GARRE1: variants seen among roughly 807,000 people sequenced by gnomAD.
The protein encoded by GARRE1 is granule associated Rac and RHOG effector 1.
A neutral mutation model predicts 103.2 loss-of-function variants in GARRE1; 49 were observed. That is an observed-to-expected ratio of 0.47 (90% CI 0.38 to 0.60). The LOEUF is 0.60. GARRE1 is among the 20% of genes least tolerant of loss of function. The pLI, the probability that GARRE1 is intolerant of heterozygous loss-of-function variation, is 0.00. For missense variants in GARRE1, 1,199 were observed against 1,370.5 expected (o/e 0.87, Z 1.98); for synonymous variants, 505 against 532.8 (o/e 0.95, Z 0.72).
At chr19:34,350,611 T>G (rs1459480264) in intron 12 of GARRE1, among the ~76,000 whole-genome samples, 1 of 152,192 alleles carries the variant, frequency 6.6e-6, no homozygotes, top group Non-Finnish European at 1.5e-5. Flanking sequence ...AGACGGAGTC[T>G]CGCTCTGTTG....
At position 34,306,146 on chromosome 19, in the gene GARRE1, C is replaced by T. The variant is rs571094807; in HGVS notation, c.495+5178C>T. On this transcript the variant is annotated intron_variant, in intron 2 of 13. Coordinates refer to ENST00000299505, the MANE Select transcript of GARRE1 (RefSeq NM_014686.5). The stretch of plus-strand genomic sequence containing the variant: ...AATGGCTAGGCATTTGGATTTTTTC[C>T]TTTTGGTTTTTTAAGGATTTTTATA... 9.9e-5 allele frequency among the ~76,000 whole-genome samples: 15 copies of T among 152,154 alleles called. 1 individual carries two copies. The highest frequency in any genetic ancestry group is 7.2e-4 in the Admixed American group (11 of 15,276).
chr19:34,283,811 C>T (rs1450430509), intron 1 of GARRE1, among the ~76,000 whole-genome samples: 1 of 150,352 alleles, frequency 6.7e-6, no homozygotes, highest in Non-Finnish European at 1.5e-5. Context: ...GAGTCTTCAT[C>T]TAGTTTCTTT....
intron 1 of GARRE1, among the ~76,000 whole-genome samples, chr19:34,284,134 T>C (rs868310401): frequency 0.027 from 3,826 of 139,714 alleles, 160 homozygotes; most frequent in African/African-American, 0.097. Flanking sequence ...TTTCTTTTTT[T>C]TTTTTTTTTT....
At chr19:34,284,031 C>G (rs568588162) in intron 1 of GARRE1, among the ~76,000 whole-genome samples, 5 of 150,600 alleles carry the variant, frequency 3.3e-5, no homozygotes, top group African/African-American at 1.2e-4. Flanking sequence ...GGGGTTTCAC[C>G]GTGTTAGCCA....
intron 1 of GARRE1, among the ~76,000 whole-genome samples, chr19:34,289,023 A>G (rs760579049): frequency 7.2e-5 from 11 of 151,918 alleles, no homozygotes; most frequent in Non-Finnish European, 1.3e-4. Flanking sequence ...TCTCCCAGCT[A>G]CTCAGGAGGC....
intron 1 of GARRE1, among the ~76,000 whole-genome samples, chr19:34,284,187 G>T (rs2073873028): frequency 6.8e-6 from 1 of 146,718 alleles, no homozygotes; most frequent in African/African-American, 2.5e-5. Context: ...CTAGAGTGCG[G>T]TGGTGCAATC....
At chr19:34,309,220 A>G (rs1291775519) in intron 2 of GARRE1, among the ~76,000 whole-genome samples, 1 of 152,198 alleles carries the variant, frequency 6.6e-6, no homozygotes, top group Admixed American at 6.5e-5. Context: ...ATATCCTGTA[A>G]TAAGTTGACC....
At chr19:34,304,779 TTTTA>T (rs1392107598) in intron 2 of GARRE1, among the ~76,000 whole-genome samples, 1 of 151,380 alleles carries the variant, frequency 6.6e-6, no homozygotes, top group Non-Finnish European at 1.5e-5. Flanking sequence ...TTATTTTTAT[TTTTA>T]TTTTTTATTT....
chr19:34,323,233 G>C (rs2074097928), intron 3 of GARRE1, among the ~76,000 whole-genome samples: 1 of 151,586 alleles, frequency 6.6e-6, no homozygotes, highest in African/African-American at 2.4e-5. Flanking sequence ...GGGTTTCACT[G>C]TGTTAGCCAG....
At chr19:34,262,134 GC>G (rs1389567611) in intron 1 of GARRE1, among the ~76,000 whole-genome samples, 1 of 151,846 alleles carries the variant, frequency 6.6e-6, no homozygotes, top group Admixed American at 6.6e-5. Flanking sequence ...ACAGGTGAGT[GC>G]CACCATGCCT....
chr19:34,325,896 G>A (rs932013327), intron 3 of GARRE1, among the ~76,000 whole-genome samples: 2 of 152,036 alleles, frequency 1.3e-5, no homozygotes, highest in Non-Finnish European at 1.5e-5. Context: ...CCACACACAT[G>A]CAATTCCATT....
intron 8 of GARRE1, among the ~76,000 whole-genome samples, chr19:34,334,264 T>C (rs1259158752): frequency 6.6e-6 from 1 of 152,192 alleles, no homozygotes; most frequent in African/African-American, 2.4e-5. Flanking sequence ...TTAGATATTA[T>C]ATTTGTAACA....
Position 34,262,394 on chromosome 19 carries a change from G to A in GARRE1, c.-796+7780G>A, listed in dbSNP as rs141750158. 2.3e-3 allele frequency among the ~76,000 whole-genome samples: 334 copies of A among 146,064 alleles called. 4 individuals carry two copies. The highest frequency in any genetic ancestry group is 7.6e-3 in the African/African-American group (300 of 39,726). On this transcript the variant is annotated intron_variant, in intron 1 of 13. Transcript: ENST00000299505. ...CATTGCAACCTCCACCTCCTGGGTC[G>A]AAGCAATTCTCCTGCCTTGGCCTCC...
chr19:34,272,360 G>A (rs1442890468), intron 1 of GARRE1, among the ~76,000 whole-genome samples: 1 of 152,056 alleles, frequency 6.6e-6, no homozygotes, highest in East Asian at 1.9e-4. Flanking sequence ...CACCATGCCC[G>A]GCTAATTTTT....
At chr19:34,287,655 G>C (rs1297795253) in intron 1 of GARRE1, among the ~76,000 whole-genome samples, 6 of 152,190 alleles carry the variant, frequency 3.9e-5, no homozygotes, top group African/African-American at 1.2e-4. Context: ...ATAAACAACA[G>C]AAGCTTATTT....
intron 1 of GARRE1, among the ~76,000 whole-genome samples, chr19:34,297,958 C>A (rs2073955941): frequency 6.6e-6 from 1 of 152,008 alleles, no homozygotes; most frequent in African/African-American, 2.4e-5. Flanking sequence ...TGTAACCTAC[C>A]TAATTCCTGT....
chr19:34,353,150 T>G lies in GARRE1; in HGVS notation c.*195T>G. The stretch of plus-strand genomic sequence containing the variant: ...AAACCTGGCTTCTGAAACGATGGCA[T>G]CAGAGCCCTGGAGAGCCAGCTGGAG... On this transcript the variant is annotated 3_prime_UTR_variant, in exon 14 of 14. Coordinates refer to ENST00000299505, the MANE Select transcript of GARRE1 (RefSeq NM_014686.5). The G allele has an allele frequency of 1.8e-6, 1 of 570,548 alleles. No individual in the cohort carries two copies. The highest frequency in any genetic ancestry group is 3.0e-6 in the Non-Finnish European group (1 of 328,566). The allele number at this position is 570,548 out of a possible 1,614,324, so 35.3% of individuals were successfully genotyped here. A position where few individuals can be genotyped will look rare whatever the true frequency, so the allele number is the denominator to read the frequency against.
chr19:34,279,934 G>A (rs1296390136), intron 1 of GARRE1, among the ~76,000 whole-genome samples: 2 of 144,402 alleles, frequency 1.4e-5, no homozygotes, highest in East Asian at 2.0e-4. Flanking sequence ...GCAGTGAGCC[G>A]AGATCCCGCC....
intron 7 of GARRE1, 120 bp downstream of exon 7, chr19:34,330,467 G>A: frequency 9.8e-7 from 1 of 1,021,524 alleles, no homozygotes; most frequent in South Asian, 1.7e-5. Context: ...TTGGTGCTGT[G>A]GAATTTAGAC....
Sources: allele counts gnomAD v4.1 joint callset (sites outside exome capture counted in the v4.1 genomes callset), GRCh38; gene constraint gnomAD v4.1.1; transcripts MANE v1.5; gene names NCBI Gene and HGNC (gene_info 2026-07-23, HGNC 2026-07-21).